The following RALY variants were observed in gnomAD, a reference collection of about 807,000 sequenced individuals.
RALY encodes RNA-binding protein Raly.
In RALY, 15 loss-of-function variants were observed where a neutral mutation model predicts 30.7. The observed-to-expected ratio is 0.49, with a 90% CI of 0.33 to 0.75. The LOEUF (loss-of-function observed/expected upper bound fraction) is 0.75, where lower values mean the gene tolerates loss of function less well. Among genes scored for constraint, RALY ranks in the 30% least tolerant of loss-of-function variants. RALY has a pLI of 0.02. For synonymous variants in RALY, 177 were observed against 170.8 expected, an observed-to-expected ratio of 1.04 and a Z score of -0.28; for missense variants, 339 against 414.3, an observed-to-expected ratio of 0.82 and a Z score of 1.58.
chr20:34,021,706 C>G lies in RALY; in HGVS notation c.-92-9816C>G, dbSNP rs1478251545. On this transcript the variant is annotated intron_variant, in intron 1 of 9. Coordinates refer to ENST00000246194, the MANE Select transcript of RALY (RefSeq NM_016732.3). ...TGATACACAGGCAAGTCCTGATTTG[C>G]CTTTATTAGCTGCGTGACCTTGGGC... Among the ~76,000 whole-genome samples the G allele has an allele frequency of 4.6e-5, 7 of 152,186 alleles. No homozygotes were observed. In the East Asian group the frequency reaches 1.4e-3, roughly 29 times the overall value.
At chr20:34,070,570 A>G (rs908185544) in intron 2 of RALY, among the ~76,000 whole-genome samples, 4 of 152,256 alleles carry the variant, frequency 2.6e-5, no homozygotes. Flanking sequence ...TCTCAGGTGA[A>G]TGTGCTGACT....
intron 1 of RALY, among the ~76,000 whole-genome samples, chr20:34,027,929 G>A (rs1274271323): frequency 3.9e-5 from 6 of 152,320 alleles, no homozygotes; most frequent in African/African-American, 1.2e-4. Flanking sequence ...GGGAATCTGA[G>A]ATGCAGATTA....
chr20:34,054,468 G>A (rs1265493781), intron 2 of RALY, among the ~76,000 whole-genome samples: 5 of 152,112 alleles, frequency 3.3e-5, no homozygotes, highest in Admixed American at 6.6e-5. Flanking sequence ...TTTTCTACAG[G>A]GACGTCACAT....
intron 1 of RALY, among the ~76,000 whole-genome samples, chr20:34,007,507 C>T (rs986080459): frequency 2.5e-4 from 37 of 148,720 alleles, no homozygotes; most frequent in African/African-American, 8.7e-4. Context: ...GGTGACGGAG[C>T]GAGACTCCAT....
chr20:34,067,118 A>G (rs145608732), intron 2 of RALY, among the ~76,000 whole-genome samples: 72 of 152,324 alleles, frequency 4.7e-4, no homozygotes, highest in African/African-American at 1.6e-3. Context: ...CCCTATGTCA[A>G]ACACCTCCTC....
At chr20:34,020,396 G>A (rs1016236178) in intron 1 of RALY, among the ~76,000 whole-genome samples, 1 of 152,214 alleles carries the variant, frequency 6.6e-6, no homozygotes, top group African/African-American at 2.4e-5. Flanking sequence ...AACAGCATGA[G>A]GAATGGTAGA....
At chr20:34,004,524 C>T (rs984977656) in intron 1 of RALY, among the ~76,000 whole-genome samples, 8 of 152,242 alleles carry the variant, frequency 5.3e-5, no homozygotes, top group Non-Finnish European at 7.4e-5. Flanking sequence ...ATGACTAGAC[C>T]GAGTAGTATC....
At chr20:33,997,244 A>T (rs920319393) in intron 1 of RALY, among the ~76,000 whole-genome samples, 2 of 152,160 alleles carry the variant, frequency 1.3e-5, no homozygotes, top group Non-Finnish European at 2.9e-5. Flanking sequence ...CCTCCCGAGT[A>T]GCTGGGACTA....
chr20:34,034,415 A>G (rs1220242172), intron 2 of RALY, among the ~76,000 whole-genome samples: 2 of 152,100 alleles, frequency 1.3e-5, no homozygotes, highest in Non-Finnish European at 2.9e-5. Context: ...TGCCTTGTTA[A>G]TCTAAAGTTC....
In RALY at chr20:34,080,721, C is replaced by G. The variant is rs149560041; in HGVS notation, c.*816C>G. ...AACGTATCCCTTCCCTGCCTAAAAT[C>G]CCTTTACTGACTCTTCATCATCAGG... On this transcript the variant is annotated 3_prime_UTR_variant, in exon 10 of 10. Coordinates refer to ENST00000246194, the MANE Select transcript of RALY (RefSeq NM_016732.3). The G allele has an allele frequency of 2.5e-3, 375 of 152,646 alleles. 1 individual carries two copies. The highest frequency in any genetic ancestry group is 5.0e-3 in the South Asian group (24 of 4,832). 9.5% of individuals were successfully genotyped at this position (152,646 alleles called of 1,614,324 possible).
intron 1 of RALY, among the ~76,000 whole-genome samples, chr20:34,025,755 C>T (rs997749050): frequency 1.3e-5 from 2 of 152,028 alleles, no homozygotes; most frequent in Admixed American, 1.3e-4. Flanking sequence ...GTCTTCGGTC[C>T]CCAGGGAATG....
chr20:34,016,131 C>T (rs763705346), intron 1 of RALY, among the ~76,000 whole-genome samples: 2 of 152,196 alleles, frequency 1.3e-5, no homozygotes, highest in Non-Finnish European at 2.9e-5. Context: ...TGCCAGATGC[C>T]ACACACCGAG....
chr20:34,078,758 C>T (rs1321550357), intron 9 of RALY, among the ~76,000 whole-genome samples: 1 of 152,144 alleles, frequency 6.6e-6, no homozygotes, highest in Non-Finnish European at 1.5e-5. Context: ...GAAGCAGGTG[C>T]CGTAGATGGG....
intron 1 of RALY, chr20:34,017,692 G>T (rs1178283461): frequency 6.6e-6 from 1 of 152,288 alleles, no homozygotes; most frequent in Non-Finnish European, 1.5e-5. Flanking sequence ...AACTGGCCTT[G>T]TGCAAGGAGA....
At chr20:34,073,424 C>T in intron 3 of RALY, 139 bp from the exon 4 acceptor site, 2 of 736,650 alleles carry the variant, frequency 2.7e-6, no homozygotes, top group South Asian at 1.6e-5. Context: ...TGTATGAAGA[C>T]CTTTGTTGGC....
At chr20:34,046,013 C>T (rs1374906912) in intron 2 of RALY, among the ~76,000 whole-genome samples, 3 of 152,226 alleles carry the variant, frequency 2.0e-5, no homozygotes, top group African/African-American at 4.8e-5. Context: ...CAGCTAGCAG[C>T]ATTCCAGGAC....
chr20:34,071,414 A>T (rs895596216), intron 2 of RALY, among the ~76,000 whole-genome samples: 58 of 151,622 alleles, frequency 3.8e-4, no homozygotes, highest in Non-Finnish European at 5.9e-4. Context: ...AGTAGCTGGG[A>T]TTACAGGTAC....
chr20:34,050,662 A>G (rs2033046978), intron 2 of RALY, among the ~76,000 whole-genome samples: 2 of 152,062 alleles, frequency 1.3e-5, no homozygotes, highest in Admixed American at 1.3e-4. Context: ...TCTCATTTCC[A>G]GTCACCTCCC....
At chr20:34,045,113 C>T (rs149020543) in intron 2 of RALY, among the ~76,000 whole-genome samples, 1,605 of 152,058 alleles carry the variant, frequency 0.011, 13 homozygotes, top group Non-Finnish European at 0.018. Flanking sequence ...GGTCTCCCTA[C>T]GTTGCCTAGG....
Sources: gnomAD v4.1 joint callset for allele counts (sites outside exome capture counted in the v4.1 genomes callset) on GRCh38, gnomAD v4.1.1 for gene constraint, MANE v1.5 for transcripts, NCBI Gene and HGNC (gene_info 2026-07-23, HGNC 2026-07-21) for gene names.